The following ROBO2 variants were observed in gnomAD, a reference collection of about 807,000 sequenced individuals.
The protein encoded by ROBO2 is roundabout homolog 2.
In ROBO2, 53 loss-of-function variants were observed where a neutral mutation model predicts 160.8. That is an observed-to-expected ratio of 0.33 (90% CI 0.26 to 0.41). The LOEUF (loss-of-function observed/expected upper bound fraction) is 0.41, where lower values mean the gene tolerates loss of function less well. Among genes scored for constraint, ROBO2 ranks in the 10% least tolerant of loss-of-function variants. The pLI, the probability that ROBO2 is intolerant of heterozygous loss-of-function variation, is 1.00. For synonymous variants in ROBO2, 664 were observed against 611.7 expected (o/e 1.09, Z -1.26); for missense variants, 1,577 against 1,722.4 (o/e 0.92, Z 1.49).
At chr3:77,470,462 G>A (rs2083242194) in intron 2 of ROBO2, among the ~76,000 whole-genome samples, 2 of 152,290 alleles carry the variant, frequency 1.3e-5, no homozygotes, top group South Asian at 4.1e-4. Flanking sequence ...AAATTCTAGT[G>A]TCAGACACAC....
intron 1 of ROBO2, among the ~76,000 whole-genome samples, chr3:75,914,350 G>A (rs1203134891): frequency 6.6e-6 from 1 of 152,128 alleles, no homozygotes; most frequent in African/African-American, 2.4e-5. Context: ...AACCCTGGTT[G>A]AGATACAAAG....
chr3:77,400,003 A>T (rs2075647256), intron 2 of ROBO2, among the ~76,000 whole-genome samples: 1 of 152,034 alleles, frequency 6.6e-6, no homozygotes, highest in Non-Finnish European at 1.5e-5. Context: ...CTGTGAGTGG[A>T]TTGTATAGGA....
chr3:76,944,187 T>C (rs944955397), intron 2 of ROBO2, among the ~76,000 whole-genome samples: 4 of 152,128 alleles, frequency 2.6e-5, no homozygotes, highest in African/African-American at 9.7e-5. Context: ...CAATGAGTCA[T>C]TGAAAAAAAC....
intron 2 of ROBO2, among the ~76,000 whole-genome samples, chr3:77,133,849 C>T (rs577397637): frequency 6.6e-6 from 1 of 151,990 alleles, no homozygotes; most frequent in Admixed American, 6.6e-5. Flanking sequence ...CTATTTTATT[C>T]AGAAGGAAAT....
chr3:76,497,167 G>A (rs993042873), intron 2 of ROBO2, among the ~76,000 whole-genome samples: 1 of 152,038 alleles, frequency 6.6e-6, no homozygotes, highest in Non-Finnish European at 1.5e-5. Context: ...TCTTTGATTG[G>A]AATGATTGAT....
chr3:77,477,610 T>A, intron 3 of ROBO2, 39 bp downstream of exon 3: 34 of 1,393,646 alleles, frequency 2.4e-5, no homozygotes, highest in Non-Finnish European at 3.4e-5. Context: ...GAGATTGAAT[T>A]TTCAGTCTCA....
At chr3:76,034,586 G>C (rs978543497) in intron 2 of ROBO2, among the ~76,000 whole-genome samples, 1 of 150,590 alleles carries the variant, frequency 6.6e-6, no homozygotes, top group African/African-American at 2.5e-5. Context: ...GAATGTTTTT[G>C]TGGGGGTAGG....
At chr3:76,554,632 C>T (rs1309516320) in intron 2 of ROBO2, among the ~76,000 whole-genome samples, 1 of 151,834 alleles carries the variant, frequency 6.6e-6, no homozygotes, top group Non-Finnish European at 1.5e-5. Context: ...TACTGTGTGT[C>T]CCACTTTTCT....
intron 2 of ROBO2, among the ~76,000 whole-genome samples, chr3:77,172,979 A>C (rs193297801): frequency 6.6e-6 from 1 of 152,202 alleles, no homozygotes; most frequent in Admixed American, 6.5e-5. Context: ...GGCAAATAAT[A>C]AATTAGCCAT....
intron 2 of ROBO2, among the ~76,000 whole-genome samples, chr3:76,994,269 T>C (rs1417912112): frequency 6.6e-6 from 1 of 152,178 alleles, no homozygotes; most frequent in African/African-American, 2.4e-5. Flanking sequence ...ATTAGTAACA[T>C]ACTTTAGCTA....
intron 6 of ROBO2, 59 bp from the exon 8 acceptor site, chr3:77,546,279 A>G (rs2153649134): frequency 6.3e-7 from 1 of 1,582,926 alleles, no homozygotes; most frequent in South Asian, 1.1e-5. Context: ...TTTCTCCTTG[A>G]CATATTTTTA....
chr3:77,384,276 G>A (rs747101387), intron 2 of ROBO2, among the ~76,000 whole-genome samples: 6 of 152,174 alleles, frequency 3.9e-5, no homozygotes, highest in Non-Finnish European at 7.4e-5. Flanking sequence ...TTTCCTAGAT[G>A]CTCTGATTAA....
At chr3:77,144,992 A>T (rs1307958105) in intron 2 of ROBO2, among the ~76,000 whole-genome samples, 1 of 152,156 alleles carries the variant, frequency 6.6e-6, no homozygotes, top group Admixed American at 6.5e-5. Flanking sequence ...GATAGGAAGT[A>T]GTCAGTTGCC....
At chr3:77,389,171 G>A (rs892830935) in intron 2 of ROBO2, among the ~76,000 whole-genome samples, 14 of 151,996 alleles carry the variant, frequency 9.2e-5, no homozygotes, top group African/African-American at 2.7e-4. Context: ...CTTGAACTCC[G>A]GACCTCAGGT....
chr3:77,599,640 AG>A (rs919214354), intron 19 of ROBO2, among the ~76,000 whole-genome samples: 17 of 151,952 alleles, frequency 1.1e-4, no homozygotes, highest in African/African-American at 4.1e-4. Flanking sequence ...TAAAACTTAG[AG>A]TATAATAAAA....
At chr3:76,622,525 A>G (rs959693692) in intron 2 of ROBO2, among the ~76,000 whole-genome samples, 9 of 152,084 alleles carry the variant, frequency 5.9e-5, no homozygotes, top group Non-Finnish European at 1.3e-4. Flanking sequence ...CCTATCACCC[A>G]TCACTTTATC....
At chr3:76,997,018 T>C (rs778990575) in intron 2 of ROBO2, among the ~76,000 whole-genome samples, 1 of 152,164 alleles carries the variant, frequency 6.6e-6, no homozygotes, top group Admixed American at 6.6e-5. Context: ...ACATAATTAG[T>C]GTGTGCTAGA....
At chr3:77,387,137 GCCAC>G (rs1256442026) in intron 2 of ROBO2, among the ~76,000 whole-genome samples, 1 of 151,740 alleles carries the variant, frequency 6.6e-6, no homozygotes, top group Non-Finnish European at 1.5e-5. Context: ...AAACTGTGAT[GCCAC>G]CCATTTTTAC....
At chr3:76,700,731 C>T (rs2593875) in intron 2 of ROBO2, among the ~76,000 whole-genome samples, 51,761 of 151,956 alleles carry the variant, frequency 0.34, 9,581 homozygotes, top group East Asian at 0.56. Flanking sequence ...ATGTGTATAG[C>T]CCTTCTAATA....
Sources: allele counts gnomAD v4.1 joint callset (sites outside exome capture counted in the v4.1 genomes callset), GRCh38; gene constraint gnomAD v4.1.1; transcripts MANE v1.5; gene names NCBI Gene and HGNC (gene_info 2026-07-23, HGNC 2026-07-21).